Variants in MACROD2 observed in about 807,000 individuals in gnomAD.
MACROD2 encodes ADP-ribose glycohydrolase MACROD2.
Under a neutral mutation model 70.4 loss-of-function variants are expected in MACROD2, and 36 were observed. That is an observed-to-expected ratio of 0.51 (90% CI 0.39 to 0.68). The LOEUF (loss-of-function observed/expected upper bound fraction) is 0.68. Among genes scored for constraint, MACROD2 ranks in the 30% least tolerant of loss-of-function variants. MACROD2 has a pLI of 0.00. For missense variants in MACROD2, 496 were observed against 538.4 expected (o/e 0.92, Z 0.78); for synonymous variants, 172 against 178.8 (o/e 0.96, Z 0.30).
At chr20:15,136,645 G>T (rs1321922506) in intron 5 of MACROD2, among the ~76,000 whole-genome samples, 1 of 151,930 alleles carries the variant, frequency 6.6e-6, no homozygotes, top group African/African-American at 2.4e-5. Context: ...TCAGGACATA[G>T]GCATGGGCAA....
chr20:14,949,759 A>C (rs1381836788), intron 5 of MACROD2, among the ~76,000 whole-genome samples: 1 of 152,126 alleles, frequency 6.6e-6, no homozygotes, highest in African/African-American at 2.4e-5. Flanking sequence ...TTAATTTTGC[A>C]CTTTGGCACA....
intron 8 of MACROD2, among the ~76,000 whole-genome samples, chr20:15,823,279 T>C (rs1359687464): frequency 9.9e-6 from 1 of 101,234 alleles, no homozygotes; most frequent in Non-Finnish European, 2.0e-5. Flanking sequence ...GCTCTTCGTG[T>C]GTGTGTGTGT....
At chr20:15,278,464 C>A (rs2077413010) in intron 6 of MACROD2, among the ~76,000 whole-genome samples, 1 of 152,126 alleles carries the variant, frequency 6.6e-6, no homozygotes, top group East Asian at 1.9e-4. Context: ...AGTCTAGATC[C>A]CTCCCAGTCC....
chr20:15,628,544 T>C (rs528212961), intron 8 of MACROD2, among the ~76,000 whole-genome samples: 2 of 152,362 alleles, frequency 1.3e-5, no homozygotes, highest in East Asian at 3.9e-4. Flanking sequence ...CATAATAGAC[T>C]ACCCAAGACC....
chr20:14,850,487 T>C (rs2073188375), intron 5 of MACROD2: 1 of 153,042 alleles, frequency 6.5e-6, no homozygotes, highest in Admixed American at 6.5e-5. Flanking sequence ...TATTAAATAT[T>C]TGAGATTTGT....
chr20:16,043,518 C>A (rs1250748357), intron 16 of MACROD2, among the ~76,000 whole-genome samples: 3 of 152,082 alleles, frequency 2.0e-5, no homozygotes, highest in Non-Finnish European at 4.4e-5. Flanking sequence ...AACCTACTGA[C>A]CCTTGGAAAA....
chr20:14,379,003 A>T (rs1242582848), intron 3 of MACROD2, among the ~76,000 whole-genome samples: 2 of 152,164 alleles, frequency 1.3e-5, no homozygotes, highest in Admixed American at 1.3e-4. Context: ...CTAGAATCTC[A>T]GATGCTTTTC....
Position 14,736,127 on chromosome 20 carries a change from A to G in MACROD2, c.418+51168A>G, listed in dbSNP as rs117647389. ...AAGGAAATGTCTCATATACATATGT[A>G]TAATGGAATATTATTTAGCCATAAG... On this transcript the variant is annotated intron_variant, in intron 5 of 17. Transcript: ENST00000684519. Among the ~76,000 whole-genome samples, 871 of 152,330 alleles carry G rather than the reference A, an allele frequency of 5.7e-3. 4 individuals carry two copies. The highest frequency in any genetic ancestry group is 9.7e-3 in the Non-Finnish European group (662 of 68,032).
chr20:14,801,931 C>T (rs775474732), intron 5 of MACROD2, among the ~76,000 whole-genome samples: 8 of 152,080 alleles, frequency 5.3e-5, no homozygotes, highest in Non-Finnish European at 4.4e-5. Context: ...GTAGAAACCT[C>T]TCTCTTAAGT....
intron 3 of MACROD2, among the ~76,000 whole-genome samples, chr20:14,241,682 A>T (rs1317684729): frequency 6.6e-6 from 1 of 152,164 alleles, no homozygotes. Context: ...TGAACAACTG[A>T]TGCTTGAACT....
chr20:14,368,491 C>T (rs780782401), intron 3 of MACROD2, among the ~76,000 whole-genome samples: 9 of 151,422 alleles, frequency 5.9e-5, no homozygotes, highest in Admixed American at 1.3e-4. Context: ...TGCAATGAGC[C>T]GAGATCGCAC....
rs567078630 is a variant in MACROD2 at position 14,419,501 on chromosome 20, T to A, written c.272-73978T>A. ...GGGGAATTGACAGGAAAATTTGGAA[T>A]CAAACACCTAGTTATTAGGGAATAT... On this transcript the variant is annotated intron_variant, in intron 3 of 17. Transcript: ENST00000684519. Among the ~76,000 whole-genome samples, 3 of 152,348 alleles carry A rather than the reference T, an allele frequency of 2.0e-5. No homozygotes were observed. The South Asian group carries it at 6.2e-4, about 32-fold the overall frequency.
intron 4 of MACROD2, among the ~76,000 whole-genome samples, chr20:14,642,645 A>G (rs1310253198): frequency 1.3e-5 from 2 of 152,164 alleles, no homozygotes; most frequent in Non-Finnish European, 2.9e-5. Context: ...AAGCCCAAGG[A>G]GAGGAAGAGA....
At chr20:15,410,653 TCACACA>T (rs11471470) in intron 6 of MACROD2, among the ~76,000 whole-genome samples, 1 of 150,634 alleles carries the variant, frequency 6.6e-6, no homozygotes, top group Admixed American at 6.6e-5. Context: ...CTGAATTCTG[TCACACA>T]CACACACACA....
At chr20:14,668,779 A>T (rs900341077) in intron 4 of MACROD2, among the ~76,000 whole-genome samples, 6 of 152,006 alleles carry the variant, frequency 3.9e-5, no homozygotes, top group Admixed American at 3.3e-4. Flanking sequence ...GTTTTTTTTC[A>T]TGCACATTTC....
chr20:15,228,691 T>A (rs2076933485), intron 5 of MACROD2, among the ~76,000 whole-genome samples: 1 of 152,042 alleles, frequency 6.6e-6, no homozygotes, highest in Admixed American at 6.6e-5. Flanking sequence ...GATTTCATCA[T>A]GTTGGCCAGG....
At chr20:15,932,182 C>T (rs1601159177) in intron 10 of MACROD2, among the ~76,000 whole-genome samples, 2 of 152,278 alleles carry the variant, frequency 1.3e-5, no homozygotes, top group South Asian at 2.1e-4. Context: ...CAGGTCTGGC[C>T]CTTCATGCTC....
intron 3 of MACROD2, among the ~76,000 whole-genome samples, chr20:14,245,362 C>CAAA (rs11477339): frequency 1.5e-5 from 2 of 129,906 alleles, no homozygotes; most frequent in Non-Finnish European, 3.4e-5. Flanking sequence ...GACTTCGTCT[C>CAAA]AAAAAAAAAA....
At chr20:15,897,052 C>T (rs904922279) in intron 10 of MACROD2, among the ~76,000 whole-genome samples, 1 of 151,998 alleles carries the variant, frequency 6.6e-6, no homozygotes, top group African/African-American at 2.4e-5. Flanking sequence ...AACTTAGCAC[C>T]TTTAATAAAG....
Sources: gnomAD v4.1 joint callset for allele counts (sites outside exome capture counted in the v4.1 genomes callset) on GRCh38, gnomAD v4.1.1 for gene constraint, MANE v1.5 for transcripts, NCBI Gene and HGNC (gene_info 2026-07-23, HGNC 2026-07-21) for gene names.